Variants in CEP350 observed in about 807,000 individuals in gnomAD.
CEP350 encodes the protein centrosomal protein 350, also known as centrosome-associated protein 350.
CEP350 carries 126 observed loss-of-function variants against 331.8 expected under a neutral mutation model. The ratio of observed to expected loss-of-function variants is 0.38; its 90% CI spans 0.33 to 0.44. The LOEUF (loss-of-function observed/expected upper bound fraction) is 0.44. Ranked by LOEUF, CEP350 falls within the 20% of genes least tolerant of loss-of-function variation. The pLI is 1.00. For synonymous variants in CEP350, 1,200 were observed against 1,259.5 expected (o/e 0.95, Z 1.00); for missense variants, 3,406 against 3,634.6 (o/e 0.94, Z 1.62).
intron 22 of CEP350, among the ~76,000 whole-genome samples, chr1:180,050,567 G>A (rs1373191470): frequency 6.6e-6 from 1 of 151,508 alleles, no homozygotes; most frequent in Non-Finnish European, 1.5e-5. Context: ...GGAGGCTGAA[G>A]CAGGAGAATT....
intron 1 of CEP350, among the ~76,000 whole-genome samples, chr1:179,973,019 C>T (rs946870516): frequency 6.6e-6 from 1 of 152,032 alleles, no homozygotes; most frequent in African/African-American, 2.4e-5. Context: ...AGGCGCCCAC[C>T]ACCACACCCC....
At chr1:180,030,500 T>C (rs1055368769) in intron 14 of CEP350, among the ~76,000 whole-genome samples, 2 of 151,838 alleles carry the variant, frequency 1.3e-5, no homozygotes, top group Non-Finnish European at 2.9e-5. Flanking sequence ...AGATGAATAG[T>C]GTACTAGACT....
At chr1:179,974,010 G>A (rs1056797094) in intron 1 of CEP350, among the ~76,000 whole-genome samples, 1 of 151,064 alleles carries the variant, frequency 6.6e-6, no homozygotes, top group African/African-American at 2.4e-5. Flanking sequence ...CCTTCCACTG[G>A]CAGCTGTGCC....
chr1:180,106,759 C>A (rs1233687146), intron 37 of CEP350, among the ~76,000 whole-genome samples: 1 of 151,830 alleles, frequency 6.6e-6, no homozygotes, highest in East Asian at 1.9e-4. Flanking sequence ...AGTAGTCATT[C>A]AACCTATTTT....
At chr1:179,991,727 A>G (rs1250027391) in intron 4 of CEP350, among the ~76,000 whole-genome samples, 1 of 140,390 alleles carries the variant, frequency 7.1e-6, no homozygotes, top group Non-Finnish European at 1.6e-5. Flanking sequence ...ATATATATAC[A>G]TTTTTTTTTA....
At chr1:179,955,969 T>C (rs12139323) in intron 1 of CEP350, among the ~76,000 whole-genome samples, 4 of 152,130 alleles carry the variant, frequency 2.6e-5, no homozygotes, top group African/African-American at 9.7e-5. Context: ...TGCCCTGTAT[T>C]TGAAGAGTTT....
intron 6 of CEP350, among the ~76,000 whole-genome samples, chr1:180,001,187 C>G (rs1653847244): frequency 6.6e-6 from 1 of 152,168 alleles, no homozygotes; most frequent in African/African-American, 2.4e-5. Flanking sequence ...CTTTGGTTAT[C>G]ATCTTTATTC....
chr1:180,011,188 A>G (rs1050680097), intron 8 of CEP350, among the ~76,000 whole-genome samples: 1 of 152,220 alleles, frequency 6.6e-6, no homozygotes, highest in Non-Finnish European at 1.5e-5. Flanking sequence ...TTTTGTACAT[A>G]GAAAAGTAGT....
chr1:179,986,523 A>T (rs1007325033), intron 2 of CEP350, among the ~76,000 whole-genome samples: 1 of 152,228 alleles, frequency 6.6e-6, no homozygotes, highest in African/African-American at 2.4e-5. Context: ...TCAATAAATG[A>T]TATAGCCCCA....
chr1:180,090,545 C>CAAAAAAAAAAAA (rs36128628), intron 32 of CEP350, among the ~76,000 whole-genome samples, 169 bp from the exon 33 acceptor site: 71 of 77,364 alleles, frequency 9.2e-4, no homozygotes, highest in African/African-American at 1.2e-3. Flanking sequence ...GACTCCGTCT[C>CAAAAAAAAAAAA]AAAAAAAAAA....
At chr1:180,081,695 C>T (rs1659577054) in intron 30 of CEP350, among the ~76,000 whole-genome samples, 1 of 152,132 alleles carries the variant, frequency 6.6e-6, no homozygotes. Flanking sequence ...CAGTATATTA[C>T]TATACTGAAT....
In CEP350 at chr1:180,016,939, AG is replaced by A. The variant is rs986181928; in HGVS notation, c.2174+971del. 7.4e-4 allele frequency among the ~76,000 whole-genome samples: 113 copies of A among 152,312 alleles called. 1 individual carries two copies. The highest frequency in any genetic ancestry group is 2.7e-3 in the African/African-American group (111 of 41,584). On this transcript the variant is annotated intron_variant, in intron 11 of 37. Transcript: ENST00000367607. Reference sequence around the variant, plus strand: ...CAGCCTCCCAAAGTGCTGGGATTACAGGCATGAGCCACCGAGCCTGGCCCAT... The same window carrying A: ...CAGCCTCCCAAAGTGCTGGGATTACAGCATGAGCCACCGAGCCTGGCCCAT...
Position 180,113,136 on chromosome 1 carries a change from T to G in CEP350, c.*1975T>G, listed in dbSNP as rs1016517525. On this transcript the variant is annotated 3_prime_UTR_variant, in exon 38 of 38. Coordinates refer to ENST00000367607, the MANE Select transcript of CEP350 (RefSeq NM_014810.5). ...TATGTGGCCAAGGAAAAGCAAAGGC[T>G]TTTCTTTTCAGTTTGTGTTATTTGG... The G allele has an allele frequency of 6.6e-6, 1 of 152,628 alleles. No homozygotes were observed. Among genetic ancestry groups the G allele is most frequent in the African/African-American group, 2.4e-5 (1 of 41,450 alleles). The allele number at this position is 152,628 out of a possible 1,614,324, so 9.5% of individuals were successfully genotyped here.
At chr1:180,027,463 G>A (rs867129687) in intron 14 of CEP350, among the ~76,000 whole-genome samples, 1 of 152,036 alleles carries the variant, frequency 6.6e-6, no homozygotes, top group Admixed American at 6.6e-5. Context: ...ATGGCTCACC[G>A]TAGCCTCAAC....
At position 180,015,307 on chromosome 1, in the gene CEP350, C is replaced by T. The variant is rs542871143; in HGVS notation, c.2053-542C>T. Among the ~76,000 whole-genome samples the T allele has an allele frequency of 3.8e-4, 58 of 152,112 alleles. No homozygotes were observed. The South Asian group carries it at 4.8e-3, about 13-fold the overall frequency. On this transcript the variant is annotated intron_variant, in intron 10 of 37. Transcript: ENST00000367607. ...GGAGTGCAGTGGCGCGATCTCGGCT[C>T]ACTGCAGGCTCCGCCCCCCGGGGTT...
chr1:180,038,689 C>T (rs1198059997), intron 17 of CEP350, among the ~76,000 whole-genome samples: 1 of 152,074 alleles, frequency 6.6e-6, no homozygotes, highest in Non-Finnish European at 1.5e-5. Context: ...AATATCTGTT[C>T]AAATCTTTTA....
In CEP350 at chr1:179,966,734, C is replaced by T. The variant is rs1651043866; in HGVS notation, c.-14+11592C>T. 1.3e-5 allele frequency among the ~76,000 whole-genome samples: 2 copies of T among 152,140 alleles called. 1 individual carries two copies. Among genetic ancestry groups the T allele is most frequent in the South Asian group, 4.1e-4 (2 of 4,834 alleles). On this transcript the variant is annotated intron_variant, in intron 1 of 37. Transcript: ENST00000367607. ...CAAGACAGTTAGATACAGTTGGATC[C>T]TGGACCCAGTCCAATTTCTGTTGTA...
At chr1:180,072,245 T>G (rs1199463220) in intron 27 of CEP350, among the ~76,000 whole-genome samples, 1 of 152,242 alleles carries the variant, frequency 6.6e-6, no homozygotes, top group African/African-American at 2.4e-5. Flanking sequence ...TCGTTCCTCA[T>G]TCCTAAACTA....
chr1:179,986,372 ATTTT>A, intron 2 of CEP350, 118 bp downstream of exon 2: 1 of 603,446 alleles, frequency 1.7e-6, no homozygotes, highest in Non-Finnish European at 2.8e-6. Context: ...TGGATAAATC[ATTTT>A]AAAATTCTCT....
Sources: allele counts gnomAD v4.1 joint callset (sites outside exome capture counted in the v4.1 genomes callset), GRCh38; gene constraint gnomAD v4.1.1; transcripts MANE v1.5; gene names NCBI Gene and HGNC (gene_info 2026-07-23, HGNC 2026-07-21).